TMEM132E: variants seen among roughly 807,000 people sequenced by gnomAD.
The protein encoded by TMEM132E is transmembrane protein 132E.
TMEM132E carries 49 observed loss-of-function variants against 78.5 expected under a neutral mutation model. That is an observed-to-expected ratio of 0.62 (90% CI 0.50 to 0.79). The LOEUF is 0.79. TMEM132E is among the 30% of genes least tolerant of loss of function. The probability of loss-of-function intolerance (pLI) is 0.00; values close to 1 mark genes in which losing one functional copy is unlikely to be tolerated. For missense variants in TMEM132E, 1,403 were observed against 1,470.9 expected, an observed-to-expected ratio of 0.95 and a Z score of 0.75; for synonymous variants, 715 against 670.6, an observed-to-expected ratio of 1.07 and a Z score of -1.02.
Position 34,620,192 on chromosome 17 carries a change from G to A in TMEM132E, c.68-5935G>A, listed in dbSNP as rs116414337. Among the ~76,000 whole-genome samples, 217 of 152,282 alleles carry A rather than the reference G, an allele frequency of 1.4e-3. 1 individual carries two copies. The highest frequency in any genetic ancestry group is 5.1e-3 in the African/African-American group (214 of 41,558). ...GCTGGCCTCTGCACCTGGGGAGAAG[G>A]TTGTCTGGGAGAGGCAGAGGGCCCC... On this transcript the variant is annotated intron_variant, in intron 1 of 8. Coordinates refer to ENST00000631683, the MANE Select transcript of TMEM132E (RefSeq NM_001304438.2).
At position 34,627,467 on chromosome 17, in the gene TMEM132E, C is replaced by CGTGTGCGTGTGTGTGT. The variant is rs146318983; in HGVS notation, c.998+415_998+416insCGTGTGTGTGTGTGTG. Reference sequence around the variant, plus strand: ...CCTCTTGGCTGGGAGCCAAAAGAATCGTGTGTGTGTGTGTGTGTGTGTGTG... The same window carrying CGTGTGCGTGTGTGTGT: ...CCTCTTGGCTGGGAGCCAAAAGAATCGTGTGCGTGTGTGTGTGTGTGTGTGTGTGTGTGTGTGTGTG... On this transcript the variant is annotated intron_variant, in intron 2 of 8. Coordinates refer to ENST00000631683, the MANE Select transcript of TMEM132E (RefSeq NM_001304438.2). Among the ~76,000 whole-genome samples, 124 of 126,542 alleles carry CGTGTGCGTGTGTGTGT rather than the reference C, an allele frequency of 9.8e-4. 1 individual carries two copies. The highest frequency in any genetic ancestry group is 3.4e-3 in the African/African-American group (113 of 33,238). 83.0% of individuals were successfully genotyped at this position (126,542 alleles called of 152,430 possible).
At chr17:34,609,583 C>G (rs1171457163) in intron 1 of TMEM132E, among the ~76,000 whole-genome samples, 1 of 152,190 alleles carries the variant, frequency 6.6e-6, no homozygotes, top group Non-Finnish European at 1.5e-5. Context: ...GCCCTGCTGT[C>G]CAAGTGTGTG....
At chr17:34,599,545 A>G (rs1180957773) in intron 1 of TMEM132E, among the ~76,000 whole-genome samples, 1 of 152,220 alleles carries the variant, frequency 6.6e-6, no homozygotes, top group African/African-American at 2.4e-5. Flanking sequence ...TTAATTTCGT[A>G]ATGAATTTGG....
intron 5 of TMEM132E, among the ~76,000 whole-genome samples, chr17:34,632,472 T>C (rs78109769): frequency 6.6e-6 from 1 of 152,200 alleles, no homozygotes; most frequent in Non-Finnish European, 1.5e-5. Flanking sequence ...GGCTCCTTAC[T>C]AAGGAACAAA....
chr17:34,622,431 T>G (rs1247939299), intron 1 of TMEM132E, among the ~76,000 whole-genome samples: 1 of 152,210 alleles, frequency 6.6e-6, no homozygotes, highest in African/African-American at 2.4e-5. Flanking sequence ...TGGGCCACAG[T>G]GACATAAATA....
At chr17:34,598,606 A>C (rs1906132004) in intron 1 of TMEM132E, among the ~76,000 whole-genome samples, 1 of 152,174 alleles carries the variant, frequency 6.6e-6, no homozygotes, top group Non-Finnish European at 1.5e-5. Flanking sequence ...AGATGAGATA[A>C]AGCCCCTTTG....
intron 1 of TMEM132E, among the ~76,000 whole-genome samples, chr17:34,610,098 C>A (rs1212746075): frequency 1.3e-5 from 2 of 152,200 alleles, no homozygotes; most frequent in African/African-American, 2.4e-5. Context: ...CCCTGAAAGC[C>A]TTTCTTTTGT....
At chr17:34,603,102 A>G (rs1906292035) in intron 1 of TMEM132E, among the ~76,000 whole-genome samples, 1 of 152,116 alleles carries the variant, frequency 6.6e-6, no homozygotes, top group Non-Finnish European at 1.5e-5. Flanking sequence ...CACCTGCATT[A>G]AGTCCTTTTC....
Position 34,632,902 on chromosome 17 carries a change from G to T in TMEM132E, c.1681G>T (p.Asp561Tyr). ...GGGCTGGAGGGTACCTATCCTCCCCGACCGGAGGTACAGCCCCTCTCCCAT... is the reference window on the plus strand; with the variant it reads ...GGGCTGGAGGGTACCTATCCTCCCCTACCGGAGGTACAGCCCCTCTCCCAT... Reference protein sequence around the residue: ...VKGWRVPILPDRRSVRESEDE... With the variant: ...VKGWRVPILPYRRSVRESEDE... The change falls in exon 6 of 9, where the codon GAC becomes TAC. Residue 561 changes from aspartate to tyrosine, a missense_variant. Coordinates refer to ENST00000631683, the MANE Select transcript of TMEM132E (RefSeq NM_001304438.2). 1 of 1,613,996 alleles carries T rather than the reference G, an allele frequency of 6.2e-7. No homozygotes were observed.
intron 1 of TMEM132E, among the ~76,000 whole-genome samples, chr17:34,623,066 G>A (rs1341563580): frequency 6.6e-6 from 1 of 152,186 alleles, no homozygotes; most frequent in Non-Finnish European, 1.5e-5. Flanking sequence ...GAACGGCAAT[G>A]CAAAGGCCCT....
intron 1 of TMEM132E, among the ~76,000 whole-genome samples, chr17:34,615,517 A>ATG (rs3048841): frequency 0.081 from 11,362 of 140,770 alleles, 489 homozygotes; most frequent in African/African-American, 0.1. Flanking sequence ...ACTGGCACAG[A>ATG]TGTGTGTGTG....
At chr17:34,603,229 G>A (rs1906297241) in intron 1 of TMEM132E, among the ~76,000 whole-genome samples, 1 of 152,266 alleles carries the variant, frequency 6.6e-6, no homozygotes, top group East Asian at 1.9e-4. Context: ...GGCAGTGTCT[G>A]TATCAGATGT....
Position 34,626,159 on chromosome 17 carries a change from C to G in TMEM132E, c.100C>G (p.Pro34Ala). The G allele has an allele frequency of 1.3e-6, 2 of 1,546,374 alleles. No individual in the cohort carries two copies. The highest frequency in any genetic ancestry group is 1.7e-6 in the Non-Finnish European group (2 of 1,148,228). Residue 34 changes from proline (P) to alanine (A), a missense_variant, in exon 2 of 9, where the codon CCG becomes GCG. Pro to Ala is a conservative substitution (Grantham distance 27, BLOSUM62 -1). Transcript: ENST00000631683. ...SGRSHPASPS[P>A]PGPQASPVLP... ...CCGCTCCCACCCGGCCAGCCCCAGC[C>G]CGCCGGGGCCGCAGGCCAGCCCGGT...
At chr17:34,620,586 G>T (rs992070379) in intron 1 of TMEM132E, among the ~76,000 whole-genome samples, 1 of 152,268 alleles carries the variant, frequency 6.6e-6, no homozygotes, top group Non-Finnish European at 1.5e-5. Flanking sequence ...CAGGCACAGG[G>T]ACACAGGAGC....
rs1002482943 is a variant in TMEM132E at position 34,623,730 on chromosome 17, G to A, written c.68-2397G>A. On this transcript the variant is annotated intron_variant, in intron 1 of 8. Transcript: ENST00000631683. ...CACAGTGAGTCTGTGGCAGGGAGAG[G>A]GCTTGCACTTGAGTCCCAAAGCCAG... Among the ~76,000 whole-genome samples, 5 of 152,314 alleles carry A rather than the reference G, an allele frequency of 3.3e-5. No homozygotes were observed. The East Asian group carries it at 5.8e-4, about 18-fold the overall frequency.
At chr17:34,618,046 C>T (rs552261875) in intron 1 of TMEM132E, among the ~76,000 whole-genome samples, 10 of 152,116 alleles carry the variant, frequency 6.6e-5, no homozygotes, top group Admixed American at 1.3e-4. Flanking sequence ...TTTGTTAATT[C>T]GCACTATTTT....
chr17:34,621,370 G>C (rs1906955326), intron 1 of TMEM132E, among the ~76,000 whole-genome samples: 1 of 152,152 alleles, frequency 6.6e-6, no homozygotes. Flanking sequence ...GTGTGTGTCT[G>C]CATCCTCATC....
At position 34,580,930 on chromosome 17, in the gene TMEM132E, C is replaced by T; in HGVS notation, c.-147C>T. The T allele has an allele frequency of 1.9e-6, 1 of 523,940 alleles. No individual in the cohort carries two copies. The highest frequency in any genetic ancestry group is 3.4e-5 in the South Asian group (1 of 29,820). The allele number at this position is 523,940 out of a possible 1,614,324, so 32.5% of individuals were successfully genotyped here. The stretch of plus-strand genomic sequence containing the variant: ...GGGACGCCCCCTCCCCGCAAAGTGT[C>T]CCCGAATTGCACTCTCTGGTCCCGG... On this transcript the variant is annotated 5_prime_UTR_variant, in exon 1 of 9. Coordinates refer to ENST00000631683, the MANE Select transcript of TMEM132E (RefSeq NM_001304438.2).
intron 1 of TMEM132E, among the ~76,000 whole-genome samples, chr17:34,583,950 G>T (rs1309723386): frequency 6.6e-6 from 1 of 152,208 alleles, no homozygotes; most frequent in African/African-American, 2.4e-5. Context: ...CCTCTTCCAG[G>T]GAACATCTGT....
Sources: allele counts gnomAD v4.1 joint callset (sites outside exome capture counted in the v4.1 genomes callset), GRCh38; gene constraint gnomAD v4.1.1; transcripts MANE v1.5; gene names NCBI Gene and HGNC (gene_info 2026-07-23, HGNC 2026-07-21).